PANK3: variants seen among roughly 807,000 people sequenced by gnomAD.
The protein encoded by PANK3 is hPanK3.
A neutral mutation model predicts 39.4 loss-of-function variants in PANK3; 20 were observed. The observed-to-expected ratio is 0.51, with a 90% confidence interval of 0.36 to 0.74. The LOEUF (loss-of-function observed/expected upper bound fraction) is 0.74. Ranked by LOEUF, PANK3 falls within the 30% of genes least tolerant of loss-of-function variation. The probability of loss-of-function intolerance (pLI) is 0.00; values close to 1 mark genes in which losing one functional copy is unlikely to be tolerated. For missense variants in PANK3, 265 were observed against 437.0 expected (o/e 0.61, Z 3.51); for synonymous variants, 140 against 157.3 (o/e 0.89, Z 0.82).
chr5:168,562,719 AGTTC>A (rs1232136751), intron 4 of PANK3, among the ~76,000 whole-genome samples: 1 of 152,218 alleles, frequency 6.6e-6, no homozygotes, highest in Non-Finnish European at 1.5e-5. Context: ...AGACAAGCTA[AGTTC>A]TTCAACAGCA....
Position 168,551,442 on chromosome 5 carries a change from A to C in PANK3, c.*6129T>G, listed in dbSNP as rs1311078018. On this transcript the variant is annotated 3_prime_UTR_variant, in exon 7 of 7. Transcript: ENST00000239231. Reference sequence around the variant, plus strand: ...CCTCTATCAGTTTTCACATGGCTTTAAACAGTGAATTTCTAAACTACATTC... The same window carrying C: ...CCTCTATCAGTTTTCACATGGCTTTCAACAGTGAATTTCTAAACTACATTC... The C allele has an allele frequency of 2.0e-5, 3 of 152,104 alleles. No individual in the cohort carries two copies. The highest frequency in any genetic ancestry group is 1.9e-4 in the East Asian group (1 of 5,206). 9.4% of individuals were successfully genotyped at this position (152,104 alleles called of 1,614,324 possible).
chr5:168,571,567 A>G (rs1582467382), intron 1 of PANK3, among the ~76,000 whole-genome samples: 1 of 152,238 alleles, frequency 6.6e-6, no homozygotes, highest in East Asian at 1.9e-4. Flanking sequence ...CTCAAGATAC[A>G]TGGATTAAAA....
intron 1 of PANK3, chr5:168,578,807 TAAC>T (rs141750924): frequency 0.13 from 21,251 of 158,472 alleles, 1,888 homozygotes; most frequent in Non-Finnish European, 0.19. Flanking sequence ...GCTCCAACTG[TAAC>T]AACAGTGACA....
At chr5:168,574,590 G>T (rs7720447) in intron 1 of PANK3, among the ~76,000 whole-genome samples, 5,110 of 152,182 alleles carry the variant, frequency 0.034, 258 homozygotes, top group African/African-American at 0.11. Flanking sequence ...GGCCTGGTGC[G>T]GTAGCTCACA....
At position 168,557,634 on chromosome 5, in the gene PANK3, A is replaced by C; in HGVS notation, c.1063-13T>G. The C allele has an allele frequency of 1.2e-6, 2 of 1,611,980 alleles. No individual in the cohort carries two copies. The highest frequency in any genetic ancestry group is 1.7e-6 in the Non-Finnish European group (2 of 1,178,412). On this transcript the variant is annotated splice_polypyrimidine_tract_variant and intron_variant, in intron 6 of 6. Coordinates refer to ENST00000239231, the MANE Select transcript of PANK3 (RefSeq NM_024594.4). ...CTCCAAAGTAACCCTGTGTAATTTAAAAATAACTGTTATGTAGTACAGCTT... is the reference window on the plus strand; with the variant it reads ...CTCCAAAGTAACCCTGTGTAATTTACAAATAACTGTTATGTAGTACAGCTT...
intron 2 of PANK3, 81 bp downstream of exon 2, chr5:168,568,565 T>A (rs144173342): frequency 5.6e-6 from 6 of 1,076,530 alleles, no homozygotes; most frequent in Non-Finnish European, 8.1e-6. Flanking sequence ...GCAGGGAGAA[T>A]TAAGGAACAT....
rs1344245834 is a variant in PANK3, at chr5:168,579,336, G to A, written c.-53C>T. Reference sequence around the variant, plus strand: ...CCTCCGATCCGGGGCACTGAGAGCAGAGGCGGCGACTCCGGAGGTGGCTGG... The same window carrying A: ...CCTCCGATCCGGGGCACTGAGAGCAAAGGCGGCGACTCCGGAGGTGGCTGG... On this transcript the variant is annotated 5_prime_UTR_variant, in exon 1 of 7. Transcript: ENST00000239231. 9.2e-6 allele frequency: 13 copies of A among 1,407,622 alleles called. No individual in the cohort carries two copies. The highest frequency in any genetic ancestry group is 4.5e-5 in the African/African-American group (3 of 66,944). The allele number at this position is 1,407,622 out of a possible 1,614,324, so 87.2% of individuals were successfully genotyped here.
At chr5:168,567,161 G>A (rs1759549294) in intron 2 of PANK3, among the ~76,000 whole-genome samples, 1 of 152,106 alleles carries the variant, frequency 6.6e-6, no homozygotes, top group South Asian at 2.1e-4. Flanking sequence ...CATGTTGGAG[G>A]GTCATGTCAC....
chr5:168,553,367 C>A lies in PANK3; in HGVS notation c.*4204G>T. 1 of 498,484 alleles carries A rather than the reference C, an allele frequency of 2.0e-6. No homozygotes were observed. Among genetic ancestry groups the A allele is most frequent in the South Asian group, 1.5e-5 (1 of 65,978 alleles). The allele number at this position is 498,484 out of a possible 1,614,324, so 30.9% of individuals were successfully genotyped here. A position where few individuals can be genotyped will look rare whatever the true frequency, so the allele number is the denominator to read the frequency against. On this transcript the variant is annotated 3_prime_UTR_variant, in exon 7 of 7. Coordinates refer to ENST00000239231, the MANE Select transcript of PANK3 (RefSeq NM_024594.4). The stretch of plus-strand genomic sequence containing the variant: ...ATCTAGTGGCCCAGGATCAGCATTT[C>A]AACCAACTCAGCTTGTCTGCAGAAT...
rs1387191494 is a variant in PANK3 at position 168,568,781 on chromosome 5, C to T, written c.246G>A (p.Leu82=). The change falls in exon 2 of 7, where the codon TTG becomes TTA. Residue 82 remains leucine (L), a synonymous_variant. Transcript: ENST00000239231. ...DLTLFGRRGN[L]HFIRFPTQDL... The stretch of plus-strand genomic sequence containing the variant: ...CCTGGGTTGGAAACCTGATAAAGTG[C>T]AAGTTCCCTCTTCGGCCAAAAAGTG... The T allele has an allele frequency of 6.2e-7, 1 of 1,614,070 alleles. No individual in the cohort carries two copies. The highest frequency in any genetic ancestry group is 8.5e-7 in the Non-Finnish European group (1 of 1,180,004).
intron 1 of PANK3, 32 bp from the exon 2 acceptor site, chr5:168,569,030 A>AAATATATATAT (rs1554125888): frequency 3.8e-4 from 46 of 120,278 alleles, no homozygotes; most frequent in East Asian, 1.1e-3. Flanking sequence ...AAAAAAAAAA[A>AAATATATATAT]ATATATATAT....
chr5:168,566,253 T>A lies in PANK3; in HGVS notation c.395A>T (p.His132Leu). ...EKDFRTIGNL[H>L]LHKLDELDCL... ...GTCAAGTTCATCCAGTTTGTGCAGG[T>A]GGAGGTTTCCAATCTGTTAAAACAA... Residue 132 changes from histidine to leucine, a missense_variant, in exon 3 of 7, where the codon CAC (histidine) becomes CTC (leucine). His to Leu is a moderately conservative substitution (Grantham distance 99). Coordinates refer to ENST00000239231, the MANE Select transcript of PANK3 (RefSeq NM_024594.4). 3 of 1,597,926 alleles carry A rather than the reference T, an allele frequency of 1.9e-6. No homozygotes were observed. The South Asian group carries it at 3.3e-5, about 18-fold the overall frequency.
intron 1 of PANK3, among the ~76,000 whole-genome samples, chr5:168,574,020 T>A (rs1386934066): frequency 2.5e-4 from 38 of 151,790 alleles, no homozygotes; most frequent in African/African-American, 9.0e-4. Flanking sequence ...TATAGTCCTT[T>A]GGGTATACAC....
rs1287963433 is a variant in PANK3, at chr5:168,556,158, A to C, written c.*1413T>G. The stretch of plus-strand genomic sequence containing the variant: ...CCCCACTCCAGATTCAGGCAAGGGG[A>C]ATAGGAAAGAAAGTGCGAGATAAGA... On this transcript the variant is annotated 3_prime_UTR_variant, in exon 7 of 7. Coordinates refer to ENST00000239231, the MANE Select transcript of PANK3 (RefSeq NM_024594.4). 2 of 152,234 alleles carry C rather than the reference A, an allele frequency of 1.3e-5. No individual in the cohort carries two copies. Among genetic ancestry groups the C allele is most frequent in the Non-Finnish European group, 2.9e-5 (2 of 68,062 alleles). 9.4% of individuals were successfully genotyped at this position (152,234 alleles called of 1,614,324 possible).
In PANK3 at chr5:168,555,392, G is replaced by C. The variant is rs111724497; in HGVS notation, c.*2179C>G. On this transcript the variant is annotated 3_prime_UTR_variant, in exon 7 of 7. Coordinates refer to ENST00000239231, the MANE Select transcript of PANK3 (RefSeq NM_024594.4). ...CCCAAGTAGCTGGGACTACAGGTGC[G>C]CACCACCATGCCTGGCTAATTTTTG... The C allele has an allele frequency of 6.6e-6, 1 of 152,204 alleles. No homozygotes were observed. Among genetic ancestry groups the C allele is most frequent in the Admixed American group, 6.5e-5 (1 of 15,274 alleles). The allele number at this position is 152,204 out of a possible 1,614,324, so 9.4% of individuals were successfully genotyped here. A position where few individuals can be genotyped will look rare whatever the true frequency, so the allele number is the denominator to read the frequency against.
chr5:168,566,204 A>C lies in PANK3; in HGVS notation c.444T>G (p.Tyr148Ter), dbSNP rs777299254. The C allele has an allele frequency of 3.7e-6, 6 of 1,613,998 alleles. No individual in the cohort carries two copies. Among genetic ancestry groups the C allele is most frequent in the Non-Finnish European group, 5.1e-6 (6 of 1,179,922 alleles). Residue 148 changes from tyrosine to a stop codon, truncating the protein, a stop_gained, in exon 3 of 7, where the codon TAT (tyrosine) becomes TAG (stop). Coordinates refer to ENST00000239231, the MANE Select transcript of PANK3 (RefSeq NM_024594.4). LOFTEE classifies it high-confidence loss of function. ...GTCCATTGAAACTGACAGAGTCTAT[A>C]TACAGCAAGCCCTTTACAAGGCAGT... is the stretch of plus-strand genomic sequence containing the variant. Reference protein sequence around the residue: ...ELDCLVKGLLYIDSVSFNGQA... With the variant: ...ELDCLVKGLL
chr5:168,559,412 T>C (rs1759408061), intron 5 of PANK3, among the ~76,000 whole-genome samples: 1 of 152,152 alleles, frequency 6.6e-6, no homozygotes, highest in Admixed American at 6.5e-5. Flanking sequence ...CTTTGGGTGA[T>C]GATGATGTGT....
intron 5 of PANK3, among the ~76,000 whole-genome samples, chr5:168,559,496 A>G (rs1444195375): frequency 6.6e-6 from 1 of 152,164 alleles, no homozygotes; most frequent in Non-Finnish European, 1.5e-5. Flanking sequence ...CTGTGTGTGT[A>G]TGGAAGGTGG....
intron 6 of PANK3, among the ~76,000 whole-genome samples, chr5:168,558,229 G>A (rs927140286): frequency 6.9e-6 from 1 of 144,352 alleles, no homozygotes; most frequent in East Asian, 2.1e-4. Flanking sequence ...GCGCCATCTC[G>A]ACTCACTGCA....
Sources: allele counts gnomAD v4.1 joint callset (sites outside exome capture counted in the v4.1 genomes callset), GRCh38; gene constraint gnomAD v4.1.1; transcripts MANE v1.5; gene names NCBI Gene and HGNC (gene_info 2026-07-23, HGNC 2026-07-21).